The following PRDM10 variants were observed in gnomAD, a reference collection of about 807,000 sequenced individuals.
The protein encoded by PRDM10 is PR domain zinc finger protein 10.
In PRDM10, 65 loss-of-function variants were observed where a neutral mutation model predicts 133.1. That is an observed-to-expected ratio of 0.49 (90% CI 0.40 to 0.60). The LOEUF (loss-of-function observed/expected upper bound fraction) is 0.60, where lower values mean the gene tolerates loss of function less well. Among genes scored for constraint, PRDM10 ranks in the 20% least tolerant of loss-of-function variants. PRDM10 has a pLI of 0.00. For missense variants in PRDM10, 1,137 were observed against 1,507.1 expected (o/e 0.75, Z 4.07); for synonymous variants, 582 against 580.4 (o/e 1.00, Z -0.04).
intron 20 of PRDM10, among the ~76,000 whole-genome samples, chr11:129,904,966 A>C (rs1206347971): frequency 2.6e-5 from 4 of 152,244 alleles, no homozygotes; most frequent in Non-Finnish European, 5.9e-5. Flanking sequence ...CGGGTGGATG[A>C]AATGTTTAAT....
intron 4 of PRDM10, among the ~76,000 whole-genome samples, chr11:129,950,077 A>G (rs1449996880): frequency 6.6e-6 from 1 of 151,740 alleles, no homozygotes; most frequent in African/African-American, 2.4e-5. Flanking sequence ...CTCTACAAAA[A>G]ATACAAAATT....
chr11:129,954,590 T>C (rs1951660549), intron 4 of PRDM10, among the ~76,000 whole-genome samples: 1 of 152,018 alleles, frequency 6.6e-6, no homozygotes, highest in Non-Finnish European at 1.5e-5. Context: ...ATGAGAATAA[T>C]TTAATTATTA....
At chr11:129,939,413 G>A (rs1951137859) in intron 7 of PRDM10, among the ~76,000 whole-genome samples, 1 of 152,160 alleles carries the variant, frequency 6.6e-6, no homozygotes, top group Admixed American at 6.5e-5. Flanking sequence ...CTACGCCCCT[G>A]TAGTTGCACT....
intron 1 of PRDM10, among the ~76,000 whole-genome samples, chr11:129,984,756 C>T (rs1330028007): frequency 1.3e-5 from 2 of 152,192 alleles, no homozygotes; most frequent in East Asian, 3.8e-4. Flanking sequence ...CCACAGGTCG[C>T]GCTGCTGGGC....
chr11:129,920,801 T>C (rs1050663790), intron 13 of PRDM10, among the ~76,000 whole-genome samples: 1 of 151,898 alleles, frequency 6.6e-6, no homozygotes, highest in African/African-American at 2.4e-5. Flanking sequence ...AGTGAATCCC[T>C]CTCACAGCAT....
At chr11:129,922,977 G>A (rs1022216123) in intron 13 of PRDM10, among the ~76,000 whole-genome samples, 3 of 152,194 alleles carry the variant, frequency 2.0e-5, no homozygotes, top group African/African-American at 7.2e-5. Flanking sequence ...TAGCGATTTA[G>A]TTATACTTGT....
intron 15 of PRDM10, among the ~76,000 whole-genome samples, chr11:129,916,886 C>T (rs1220446371): frequency 2.0e-5 from 3 of 151,900 alleles, no homozygotes; most frequent in Non-Finnish European, 2.9e-5. Context: ...TCTTGTGTAA[C>T]AAAAATCACA....
intron 11 of PRDM10, chr11:129,929,409 C>T: frequency 6.4e-7 from 1 of 1,566,726 alleles, no homozygotes; most frequent in Non-Finnish European, 8.7e-7. Context: ...AACAAACCTA[C>T]CTGCAGCTCC....
intron 6 of PRDM10, among the ~76,000 whole-genome samples, chr11:129,943,309 T>C (rs912658099): frequency 1.3e-5 from 2 of 152,230 alleles, no homozygotes; most frequent in African/African-American, 4.8e-5. Flanking sequence ...GTGGTTTTCT[T>C]GCAAACATTA....
In PRDM10 at chr11:129,985,701, T is replaced by C. The variant is rs183992026; in HGVS notation, c.-119+17021A>G. ...CAGGAGGCTGAGGTAGGAGGATCAC[T>C]TGAGCCTGGGAGGCAGTTTGCAGTG... On this transcript the variant is annotated intron_variant, in intron 1 of 20. Coordinates refer to ENST00000360871, the MANE Select transcript of PRDM10 (RefSeq NM_199437.2). 1.6e-3 allele frequency among the ~76,000 whole-genome samples: 225 copies of C among 143,696 alleles called. 1 individual carries two copies. The highest frequency in any genetic ancestry group is 3.4e-3 in the Admixed American group (47 of 13,906). The allele number at this position is 143,696 out of a possible 152,430, so 94.3% of individuals were successfully genotyped here.
chr11:129,948,694 C>G (rs1257356132), intron 4 of PRDM10, among the ~76,000 whole-genome samples: 1 of 152,216 alleles, frequency 6.6e-6, no homozygotes, highest in East Asian at 1.9e-4. Context: ...CCACAAGAAT[C>G]AAATATCTGA....
At chr11:129,998,465 A>G (rs1339370631) in intron 1 of PRDM10, among the ~76,000 whole-genome samples, 1 of 152,228 alleles carries the variant, frequency 6.6e-6, no homozygotes, top group African/African-American at 2.4e-5. Context: ...AATGAATAGC[A>G]AACTACAGCC....
In PRDM10 at chr11:129,914,881, A is replaced by C. The variant is rs1427563383; in HGVS notation, c.2664T>G (p.Thr888=). The C allele has an allele frequency of 1.2e-6, 2 of 1,613,984 alleles. No homozygotes were observed. Among genetic ancestry groups the C allele is most frequent in the African/African-American group, 1.3e-5 (1 of 74,896 alleles). ...GGGTGAGCAGGTCCGTCGTCACCACAGTCTCTCCAGTGGCGCTGTCTGTAG... is the reference window on the plus strand; with the variant it reads ...GGGTGAGCAGGTCCGTCGTCACCACCGTCTCTCCAGTGGCGCTGTCTGTAG... ...VLTTDSATGE[T]VVTTDLLTQA... is the part of the protein sequence containing the mutation. Residue 888 remains threonine (T), a synonymous_variant, in exon 17 of 21, where the codon ACT becomes ACG. Transcript: ENST00000360871.
At chr11:129,919,921 T>C (rs953856666) in intron 13 of PRDM10, among the ~76,000 whole-genome samples, 8 of 152,116 alleles carry the variant, frequency 5.3e-5, no homozygotes, top group Non-Finnish European at 7.4e-5. Context: ...TTTCTTCCTA[T>C]CCCACCCGCC....
intron 4 of PRDM10, among the ~76,000 whole-genome samples, chr11:129,953,917 T>TTATA (rs963206178): frequency 6.8e-6 from 1 of 147,196 alleles, no homozygotes; most frequent in Non-Finnish European, 1.5e-5. Flanking sequence ...AATATATATA[T>TTATA]TATATATATA....
At position 129,920,177 on chromosome 11, in the gene PRDM10, C is replaced by T. The variant is rs139120318; in HGVS notation, c.2035-1459G>A. On this transcript the variant is annotated intron_variant, in intron 13 of 20. Coordinates refer to ENST00000360871, the MANE Select transcript of PRDM10 (RefSeq NM_199437.2). ...CTTTAAACAACCAACTGACCTTAAC[C>T]GAATCATCACATAAATTTCAAAGCC... is the stretch of plus-strand genomic sequence containing the variant. 3.3e-5 allele frequency among the ~76,000 whole-genome samples: 5 copies of T among 152,074 alleles called. No individual in the cohort carries two copies. In the East Asian group the frequency reaches 5.8e-4, roughly 18 times the overall value.
chr11:129,948,204 T>G, intron 4 of PRDM10: 1 of 410,828 alleles, frequency 2.4e-6, no homozygotes, highest in South Asian at 1.8e-5. Context: ...AAAGTTCTCC[T>G]GCCTCCAATC....
Position 129,910,738 on chromosome 11 carries a change from C to G in PRDM10, c.2983-82G>C, listed in dbSNP as rs1950163701. The G allele has an allele frequency of 2.5e-5, 30 of 1,212,512 alleles. No individual in the cohort carries two copies. The South Asian group carries it at 5.0e-4, about 20-fold the overall frequency. 75.1% of individuals were successfully genotyped at this position (1,212,512 alleles called of 1,614,324 possible). A position where few individuals can be genotyped will look rare whatever the true frequency, so the allele number is the denominator to read the frequency against. On this transcript the variant is annotated intron_variant, in intron 18 of 20. Coordinates refer to ENST00000360871, the MANE Select transcript of PRDM10 (RefSeq NM_199437.2). ...CTCACAAATAACTGAAGGAAGTACA[C>G]CAGACTCATATGAATTATAATACTG...
At chr11:129,924,805 G>T in intron 12 of PRDM10, 77 bp downstream of exon 12, 1 of 1,288,006 alleles carries the variant, frequency 7.8e-7, no homozygotes, top group Non-Finnish European at 1.1e-6. Context: ...GTGCTAGGCA[G>T]TCTCGGTTTT....
Sources: gnomAD v4.1 joint callset for allele counts (sites outside exome capture counted in the v4.1 genomes callset) on GRCh38, gnomAD v4.1.1 for gene constraint, MANE v1.5 for transcripts, NCBI Gene and HGNC (gene_info 2026-07-23, HGNC 2026-07-21) for gene names.